TIPIN: variants seen among roughly 807,000 people sequenced by gnomAD.
TIPIN encodes TIMELESS interacting protein, also known as TIMELESS-interacting protein.
Under a neutral mutation model 35.6 loss-of-function variants are expected in TIPIN, and 29 were observed. The observed-to-expected ratio is 0.82, with a 90% CI of 0.61 to 1.11. The LOEUF (loss-of-function observed/expected upper bound fraction) is 1.11. TIPIN is among the 50% of genes most tolerant of loss of function. The pLI is 0.00. For synonymous variants in TIPIN, 102 were observed against 121.5 expected (o/e 0.84, Z 1.06); for missense variants, 296 against 345.4 (o/e 0.86, Z 1.13).
At chr15:66,386,152 C>T (rs1177293868) in intron 1 of TIPIN, among the ~76,000 whole-genome samples, 1 of 152,154 alleles carries the variant, frequency 6.6e-6, no homozygotes, top group East Asian at 1.9e-4. Context: ...AGGATCCGGG[C>T]ATGACGGCGA....
At chr15:66,372,476 T>C (rs2093280965) in intron 1 of TIPIN, among the ~76,000 whole-genome samples, 1 of 152,224 alleles carries the variant, frequency 6.6e-6, no homozygotes, top group African/African-American at 2.4e-5. Flanking sequence ...CTTGGGTTGT[T>C]TCCCCAATAA....
intron 7 of TIPIN, among the ~76,000 whole-genome samples, chr15:66,339,299 C>T (rs62627329): frequency 0.014 from 2,085 of 148,702 alleles, 27 homozygotes; most frequent in South Asian, 0.042. Context: ...TTTGTAGAGA[C>T]GGGGACTCAC....
At chr15:66,350,260 G>A (rs144569681) in intron 4 of TIPIN, among the ~76,000 whole-genome samples, 135 of 151,812 alleles carry the variant, frequency 8.9e-4, no homozygotes, top group Non-Finnish European at 1.5e-3. Context: ...ATAGCACCCC[G>A]CCTGGATACA....
chr15:66,349,924 A>AC (rs2093155451), intron 4 of TIPIN, among the ~76,000 whole-genome samples: 1 of 151,580 alleles, frequency 6.6e-6, no homozygotes. Context: ...ACTGCAGTCT[A>AC]AAAGAGCACT....
intron 1 of TIPIN, among the ~76,000 whole-genome samples, chr15:66,375,054 T>C (rs1054926975): frequency 6.6e-6 from 1 of 152,140 alleles, no homozygotes; most frequent in African/African-American, 2.4e-5. Context: ...TCTATCTCTT[T>C]TTGTGTTAAT....
chr15:66,384,715 C>T (rs1190277930), intron 1 of TIPIN, among the ~76,000 whole-genome samples: 1 of 152,018 alleles, frequency 6.6e-6, no homozygotes, highest in Admixed American at 6.6e-5. Flanking sequence ...GAGTTTGAGA[C>T]CAGCCTGGCC....
At chr15:66,358,251 G>A (rs908700043), upstream of TIPIN, among the ~76,000 whole-genome samples, 1 of 152,172 alleles carries the variant, frequency 6.6e-6, no homozygotes, top group Non-Finnish European at 1.5e-5. Flanking sequence ...ATATGGGATA[G>A]AGTGGGATGG....
upstream of TIPIN, among the ~76,000 whole-genome samples, chr15:66,357,843 C>A (rs1390521685): frequency 2.0e-5 from 3 of 151,992 alleles, no homozygotes; most frequent in South Asian, 6.2e-4. Context: ...GTAATTCCAG[C>A]TACTTAGGAG....
intron 6 of TIPIN, chr15:66,347,331 AG>A (rs768062454): frequency 4.3e-5 from 22 of 513,250 alleles, no homozygotes; most frequent in Non-Finnish European, 8.2e-5. Flanking sequence ...AATCAATACC[AG>A]GAACAGTCAC....
chr15:66,349,733 A>T (rs2093154116), intron 4 of TIPIN, among the ~76,000 whole-genome samples: 2 of 152,024 alleles, frequency 1.3e-5, no homozygotes, highest in Non-Finnish European at 2.9e-5. Context: ...ACAAAACAAT[A>T]GCCAGGCATG....
chr15:66,382,395 C>T (rs2093321626), intron 1 of TIPIN: 1 of 984,646 alleles, frequency 1.0e-6, no homozygotes, highest in South Asian at 4.7e-5. Flanking sequence ...ATGTTTTCAT[C>T]ACTGGTTGTC....
upstream of TIPIN, among the ~76,000 whole-genome samples, chr15:66,357,102 G>C (rs2093209116): frequency 6.6e-6 from 1 of 151,876 alleles, no homozygotes; most frequent in Non-Finnish European, 1.5e-5. Flanking sequence ...TTGTTTGTTT[G>C]TTTGTTTTGC....
At chr15:66,385,212 G>A (rs1025178849) in intron 1 of TIPIN, among the ~76,000 whole-genome samples, 4 of 152,170 alleles carry the variant, frequency 2.6e-5, no homozygotes, top group African/African-American at 9.7e-5. Context: ...CTGCCTCCCA[G>A]GTGTTCAAGC....
intron 1 of TIPIN, among the ~76,000 whole-genome samples, chr15:66,376,201 T>C (rs946598833): frequency 6.6e-6 from 1 of 152,234 alleles, no homozygotes; most frequent in African/African-American, 2.4e-5. Flanking sequence ...ATCATACATT[T>C]TGAAGATCTT....
intron 1 of TIPIN, among the ~76,000 whole-genome samples, chr15:66,373,752 G>C (rs2093285985): frequency 6.6e-6 from 1 of 151,976 alleles, no homozygotes; most frequent in Admixed American, 6.6e-5. Context: ...GGGTAGAGTG[G>C]AGTGCAATAG....
At chr15:66,365,613 C>T (rs1440755831) in intron 1 of TIPIN, among the ~76,000 whole-genome samples, 2 of 152,220 alleles carry the variant, frequency 1.3e-5, no homozygotes, top group Non-Finnish European at 2.9e-5. Flanking sequence ...GTGGCACGAT[C>T]TCGGCTCACT....
intron 1 of TIPIN, among the ~76,000 whole-genome samples, chr15:66,364,970 A>AAAAAAAAAAAAAAAAAAG (rs1555409817): frequency 8.7e-5 from 12 of 137,374 alleles, no homozygotes; most frequent in South Asian, 2.5e-4. Context: ...CCATCTCAAA[A>AAAAAAAAAAAAAAAAAAG]AAAAAGAAAA....
chr15:66,340,544 G>A (rs2093079089), intron 7 of TIPIN, among the ~76,000 whole-genome samples: 1 of 151,916 alleles, frequency 6.6e-6, no homozygotes, highest in Non-Finnish European at 1.5e-5. Flanking sequence ...CATGCTTTAA[G>A]GAGTCAGGGA....
chr15:66,348,555 G>C (rs546497443), intron 6 of TIPIN, among the ~76,000 whole-genome samples: 1 of 151,806 alleles, frequency 6.6e-6, no homozygotes, highest in Non-Finnish European at 1.5e-5. Flanking sequence ...GGGCATGGTG[G>C]CGCATGCCTG....
Sources: allele counts gnomAD v4.1 joint callset (sites outside exome capture counted in the v4.1 genomes callset), GRCh38; gene constraint gnomAD v4.1.1; transcripts MANE v1.5; gene names NCBI Gene and HGNC (gene_info 2026-07-23, HGNC 2026-07-21).